The following UTY variants were observed in gnomAD, a reference collection of about 807,000 sequenced individuals.
UTY encodes the protein histone demethylase UTY.
Under a neutral mutation model 32.5 loss-of-function variants are expected in UTY, and 12 were observed. The observed-to-expected ratio is 0.37, with a 90% confidence interval of 0.24 to 0.60. The LOEUF is 0.60. Ranked by LOEUF, UTY falls within the 20% of genes least tolerant of loss-of-function variation. The pLI, the probability that UTY is intolerant of heterozygous loss-of-function variation, is 0.69. For missense variants in UTY, 303 were observed against 299.2 expected (o/e 1.01, Z -0.09); for synonymous variants, 131 against 103.4 (o/e 1.27, Z -1.62).
intron 4 of UTY, among the ~76,000 whole-genome samples, chrY:13,418,021 C>T: frequency 1.7e-4 from 5 of 30,010 alleles, no homozygotes; most frequent in Admixed American, 5.9e-4. Context: ...CCCATTAACT[C>T]GTCACTTACG....
At chrY:13,411,141 G>T in intron 5 of UTY, 28 bp from the exon 6 acceptor site, 1 of 368,205 alleles carries the variant, frequency 2.7e-6, no homozygotes, top group African/African-American at 6.5e-5. Flanking sequence ...ATAAGAAACT[G>T]TGATTTTTAA....
At chrY:13,335,510 A>C in intron 18 of UTY, 53 bp downstream of exon 18, 2 of 363,025 alleles carry the variant, frequency 5.5e-6, no homozygotes, top group Non-Finnish European at 8.0e-6. Context: ...TATTTGTCTC[A>C]TCTGGCCAGT....
intron 10 of UTY, 125 bp from the exon 11 acceptor site, chrY:13,360,653 T>C: frequency 7.0e-6 from 1 of 143,197 alleles, no homozygotes; most frequent in African/African-American, 8.9e-5. Flanking sequence ...TGATTACTGA[T>C]GTACTTTATG....
intron 18 of UTY, among the ~76,000 whole-genome samples, chrY:13,335,350 A>G (rs1603416400): frequency 3.2e-5 from 1 of 30,844 alleles, no homozygotes; most frequent in East Asian, 8.2e-4. Context: ...GAACTTAAAG[A>G]AAAAAAAAAC....
At chrY:13,361,412 C>T in intron 10 of UTY, among the ~76,000 whole-genome samples, 1 of 32,924 alleles carries the variant, frequency 3.0e-5, no homozygotes, top group Non-Finnish European at 7.5e-5. Context: ...CGTGTACCGA[C>T]AAAACCATAT....
intron 24 of UTY, among the ~76,000 whole-genome samples, chrY:13,304,723 ATGAAG>A (rs2058565781): frequency 3.1e-5 from 1 of 32,584 alleles, no homozygotes. Flanking sequence ...TTGAGCCCCA[ATGAAG>A]TGGAGTATTA....
intron 18 of UTY, among the ~76,000 whole-genome samples, chrY:13,334,944 T>C (rs2060947464): frequency 3.0e-5 from 1 of 33,693 alleles, no homozygotes; most frequent in African/African-American, 1.2e-4. Context: ...GCAACTCAAA[T>C]GCCCATCAGT....
chrY:13,328,353 T>C, intron 18 of UTY, among the ~76,000 whole-genome samples: 1 of 33,686 alleles, frequency 3.0e-5, no homozygotes, highest in African/African-American at 1.2e-4. Flanking sequence ...AGTGGATATA[T>C]AGGAAGCTAA....
intron 27 of UTY, among the ~76,000 whole-genome samples, chrY:13,296,117 C>G (rs2058020142): frequency 2.9e-5 from 1 of 33,922 alleles, no homozygotes; most frequent in South Asian, 6.6e-4. Context: ...AATATATCCT[C>G]TGAAATCTAG....
chrY:13,433,228 A>G, intron 4 of UTY, among the ~76,000 whole-genome samples: 1 of 33,666 alleles, frequency 3.0e-5, no homozygotes, highest in Non-Finnish European at 7.4e-5. Context: ...AGGAATTGAT[A>G]ATCAAGGAAA....
intron 21 of UTY, among the ~76,000 whole-genome samples, chrY:13,310,240 T>G: frequency 3.3e-5 from 1 of 29,939 alleles, no homozygotes; most frequent in African/African-American, 1.3e-4. Flanking sequence ...AAAAAAAAAT[T>G]CCATTTATCA....
intron 17 of UTY, among the ~76,000 whole-genome samples, chrY:13,348,191 C>T: frequency 3.0e-5 from 1 of 33,445 alleles, no homozygotes; most frequent in Non-Finnish European, 7.4e-5. Context: ...ACGGACCTTA[C>T]AGAAAAATTT....
In UTY at chrY:13,479,273, G is replaced by T; in HGVS notation, c.197C>A (p.Thr66Lys). The change falls in exon 2 of 30, where the codon ACG (threonine) becomes AAG (lysine). Residue 66 changes from threonine (T) to lysine (K), a missense_variant. Physicochemically the swap from Thr to Lys is moderately conservative, Grantham distance 78. Transcript: ENST00000545955. ...FVRLHEDGAR[T>K]KTLLGKAVRC... is the part of the protein sequence containing the mutation. ...TTTTACCTTGCCTAGTAGGGTCTTC[G>T]TTCTGGCGCCATCTTCATGAAGCCT... 2.5e-6 allele frequency: 1 copy of T among 398,596 alleles called. No homozygotes were observed. Among genetic ancestry groups the T allele is most frequent in the Non-Finnish European group, 3.5e-6 (1 of 283,464 alleles).
At position 13,414,747 on chromosome Y, in the gene UTY, T is replaced by C. The variant is rs2071449075; in HGVS notation, c.422A>G (p.Asn141Ser). ...TAAGTCAACTTACCAATGAAATGCA[T>C]TGTAGTAGAAGTAGACCAAACCAAG... is the stretch of plus-strand genomic sequence containing the variant. ...YGLGLVYFYY[N>S]AFHWAIKAFQ... The change falls in exon 5 of 30, where the codon AAT (asparagine) becomes AGT (serine). Residue 141 changes from asparagine (N) to serine (S), a missense_variant. Physicochemically the swap from Asn to Ser is conservative, Grantham distance 46 (BLOSUM62 1). Transcript: ENST00000545955. The C allele has an allele frequency of 7.8e-6, 3 of 385,494 alleles. No individual in the cohort carries two copies. Among genetic ancestry groups the C allele is most frequent in the African/African-American group, 6.6e-5 (1 of 15,208 alleles).
At chrY:13,323,118 C>T (rs755312191) in intron 21 of UTY, 3 of 223,563 alleles carry the variant, frequency 1.3e-5, no homozygotes, top group Admixed American at 2.5e-4. Context: ...AAAAGTTTAC[C>T]GGGCATGGTG....
intron 17 of UTY, among the ~76,000 whole-genome samples, chrY:13,339,171 G>A: frequency 3.0e-5 from 1 of 33,388 alleles, no homozygotes; most frequent in Admixed American, 2.7e-4. Flanking sequence ...AGACTGTCTC[G>A]AACCTTTTTT....
At chrY:13,400,745 C>T in intron 6 of UTY, among the ~76,000 whole-genome samples, 2 of 29,496 alleles carry the variant, frequency 6.8e-5, no homozygotes, top group Admixed American at 6.2e-4. Flanking sequence ...CAATTGCAGA[C>T]ACTGGAAATA....
intron 25 of UTY, among the ~76,000 whole-genome samples, chrY:13,299,664 T>C: frequency 3.1e-5 from 1 of 32,645 alleles, no homozygotes; most frequent in African/African-American, 1.2e-4. Context: ...CATTGCAACA[T>C]GAATTGCCTC....
At chrY:13,354,333 A>G (rs1603430017) in intron 17 of UTY, among the ~76,000 whole-genome samples, 4 of 32,030 alleles carry the variant, frequency 1.2e-4, no homozygotes, top group East Asian at 1.6e-3. Flanking sequence ...CCTAGAAGGC[A>G]GAGGTTACAG....
Sources: gnomAD v4.1 joint callset for allele counts (sites outside exome capture counted in the v4.1 genomes callset) on GRCh38, gnomAD v4.1.1 for gene constraint, MANE v1.5 for transcripts, NCBI Gene and HGNC (gene_info 2026-07-23, HGNC 2026-07-21) for gene names.